The following RIC3 variants were observed in gnomAD, a reference collection of about 807,000 sequenced individuals.
RIC3 encodes the protein RIC3 acetylcholine receptor chaperone, also known as protein RIC-3.
RIC3 carries 28 observed loss-of-function variants against 27.3 expected under a neutral mutation model. The ratio of observed to expected loss-of-function variants is 1.02; its 90% CI spans 0.76 to 1.41. The LOEUF is 1.41. RIC3 is among the 40% of genes most tolerant of loss of function. RIC3 has a pLI of 0.00. For synonymous variants in RIC3, 184 were observed against 160.4 expected (o/e 1.15, Z -1.11); for missense variants, 501 against 444.7 (o/e 1.13, Z -1.14).
intron 5 of RIC3, among the ~76,000 whole-genome samples, chr11:8,121,194 T>C (rs1031617609): frequency 9.2e-5 from 14 of 152,176 alleles, no homozygotes; most frequent in Non-Finnish European, 1.5e-4. Context: ...TTAATATCAC[T>C]TGTAGTTAAA....
chr11:8,166,133 A>C (rs969849676), intron 1 of RIC3, among the ~76,000 whole-genome samples: 1 of 152,070 alleles, frequency 6.6e-6, no homozygotes, highest in Admixed American at 6.5e-5. Context: ...CATTGCATAC[A>C]TGTCTCCATT....
chr11:8,129,531 G>A (rs999282494), intron 4 of RIC3, among the ~76,000 whole-genome samples: 5 of 151,900 alleles, frequency 3.3e-5, no homozygotes, highest in African/African-American at 7.2e-5. Flanking sequence ...GCTCAGGATC[G>A]TGAGCAACTG....
intron 1 of RIC3, among the ~76,000 whole-genome samples, chr11:8,163,109 A>G (rs1951352677): frequency 6.6e-6 from 1 of 151,922 alleles, no homozygotes; most frequent in South Asian, 2.1e-4. Flanking sequence ...AATTTAGCCA[A>G]GGAAGGTAAA....
intron 1 of RIC3, among the ~76,000 whole-genome samples, chr11:8,159,386 G>A (rs1241302878): frequency 6.6e-6 from 1 of 152,144 alleles, no homozygotes; most frequent in Non-Finnish European, 1.5e-5. Flanking sequence ...AATTACATAG[G>A]GCCTTTTGGG....
Position 8,108,310 on chromosome 11 carries a change from A to C in RIC3, c.*2388T>G, listed in dbSNP as rs1184105613. 1 of 152,198 alleles carries C rather than the reference A, an allele frequency of 6.6e-6. No homozygotes were observed. The highest frequency in any genetic ancestry group is 2.4e-5 in the African/African-American group (1 of 41,450). The allele number at this position is 152,198 out of a possible 1,614,324, so 9.4% of individuals were successfully genotyped here. ...TGTCCTCTCTTCTTTGCCTACCTGAAGAAGTTCTTTGCATGCCTCAAGGCC... is the reference window on the plus strand; with the variant it reads ...TGTCCTCTCTTCTTTGCCTACCTGACGAAGTTCTTTGCATGCCTCAAGGCC... On this transcript the variant is annotated 3_prime_UTR_variant, in exon 6 of 6. Transcript: ENST00000309737.
At chr11:8,147,394 C>G (rs1216935856) in intron 1 of RIC3, among the ~76,000 whole-genome samples, 1 of 151,850 alleles carries the variant, frequency 6.6e-6, no homozygotes. Flanking sequence ...GGTGTTCACA[C>G]TTATCAGACT....
downstream of RIC3, among the ~76,000 whole-genome samples, chr11:8,101,166 G>C (rs1247597344): frequency 1.3e-5 from 2 of 152,164 alleles, no homozygotes; most frequent in African/African-American, 4.8e-5. Flanking sequence ...GGAGGTCCTG[G>C]AAGAACCTTC....
chr11:8,161,091 T>C (rs1266149682), intron 1 of RIC3, among the ~76,000 whole-genome samples: 2 of 152,212 alleles, frequency 1.3e-5, no homozygotes, highest in African/African-American at 2.4e-5. Flanking sequence ...TGGTAATCTA[T>C]ATGTTGCAAG....
At chr11:8,098,190 C>G in the RIC3 span, among the ~76,000 whole-genome samples, 1 of 151,590 alleles carries the variant, frequency 6.6e-6, no homozygotes, top group East Asian at 1.9e-4. Flanking sequence ...GGAAGAGACA[C>G]ACAGCAATCT....
At chr11:8,146,212 C>A (rs1949661179) in intron 1 of RIC3, among the ~76,000 whole-genome samples, 1 of 152,174 alleles carries the variant, frequency 6.6e-6, no homozygotes, top group African/African-American at 2.4e-5. Flanking sequence ...TTCTACATAG[C>A]TTTGGAAACC....
At chr11:8,100,277 A>C in the RIC3 span, among the ~76,000 whole-genome samples, 1 of 150,218 alleles carries the variant, frequency 6.7e-6, no homozygotes, top group South Asian at 2.1e-4. Flanking sequence ...GTGGAAGAAC[A>C]GCATTGCCGT....
the RIC3 span, chr11:8,100,355 C>T: frequency 6.0e-6 from 4 of 665,220 alleles, no homozygotes; most frequent in East Asian, 5.5e-5. Flanking sequence ...GGGCTCAGTT[C>T]TGGCCGTGTT....
At chr11:8,162,969 C>T (rs991964700) in intron 1 of RIC3, among the ~76,000 whole-genome samples, 3 of 150,982 alleles carry the variant, frequency 2.0e-5, no homozygotes, top group African/African-American at 7.3e-5. Context: ...TTTCTTTGCT[C>T]AGTATTTCTT....
Position 8,155,468 on chromosome 11 carries a change from C to T in RIC3, c.124+13398G>A, listed in dbSNP as rs1035052955. The stretch of plus-strand genomic sequence containing the variant: ...GCACATGCCTATAATCCCAGCTACT[C>T]GGGAAGCTAAGGCAGGAGAATCGCT... On this transcript the variant is annotated intron_variant, in intron 1 of 5. Transcript: ENST00000309737. 3.3e-5 allele frequency among the ~76,000 whole-genome samples: 5 copies of T among 151,904 alleles called. No individual in the cohort carries two copies. The East Asian group carries it at 7.8e-4, about 24-fold the overall frequency.
intron 4 of RIC3, among the ~76,000 whole-genome samples, chr11:8,129,526 G>C (rs919307096): frequency 2.6e-5 from 4 of 152,016 alleles, no homozygotes; most frequent in African/African-American, 4.8e-5. Flanking sequence ...AGTTGGCTCA[G>C]GATCGTGAGC....
chr11:8,140,231 T>C (rs747643777), intron 1 of RIC3, 38 bp from the exon 2 acceptor site: 126 of 1,556,196 alleles, frequency 8.1e-5, no homozygotes, highest in Non-Finnish European at 8.2e-5. Flanking sequence ...TCTTCTACTA[T>C]TTTAAAGATG....
intron 3 of RIC3, among the ~76,000 whole-genome samples, chr11:8,138,020 A>G (rs1395478272): frequency 6.6e-6 from 1 of 152,210 alleles, no homozygotes; most frequent in Non-Finnish European, 1.5e-5. Flanking sequence ...AAGTCTGAAA[A>G]TGAGAAGTCA....
At position 8,126,780 on chromosome 11, in the gene RIC3, T is replaced by C. The variant is rs1159721259; in HGVS notation, c.549A>G (p.Gln183=). The change falls in exon 5 of 6, where the codon CAA becomes CAG. Residue 183 remains glutamine, a synonymous_variant. Coordinates refer to ENST00000309737, the MANE Select transcript of RIC3 (RefSeq NM_001206671.4). Reference sequence around the variant, plus strand: ...GGAGCTGATGTAGCAACCGTTTCTCTTGGTCAGAAGTCACAGTCTGTGCTC... The same window carrying C: ...GGAGCTGATGTAGCAACCGTTTCTCCTGGTCAGAAGTCACAGTCTGTGCTC... ...ESRAQTVTSD[Q]EKRLLHQLRE... is the part of the protein sequence containing the mutation. 1.9e-6 allele frequency: 3 copies of C among 1,614,038 alleles called. No individual in the cohort carries two copies. The highest frequency in any genetic ancestry group is 2.7e-5 in the African/African-American group (2 of 74,926).
chr11:8,124,112 C>A (rs1298479933), intron 5 of RIC3, among the ~76,000 whole-genome samples: 11 of 119,138 alleles, frequency 9.2e-5, no homozygotes, highest in Admixed American at 8.3e-4. Flanking sequence ...AAAGAGAAAG[C>A]AAGCAAGCAA....
Sources: allele counts gnomAD v4.1 joint callset (sites outside exome capture counted in the v4.1 genomes callset), GRCh38; gene constraint gnomAD v4.1.1; transcripts MANE v1.5; gene names NCBI Gene and HGNC (gene_info 2026-07-23, HGNC 2026-07-21).